CTDP1: variants seen among roughly 807,000 people sequenced by gnomAD.
CTDP1 encodes the protein CTD phosphatase 1.
CTDP1 carries 47 observed loss-of-function variants against 91.8 expected under a neutral mutation model. The ratio of observed to expected loss-of-function variants is 0.51; its 90% CI spans 0.41 to 0.65. The LOEUF is 0.65. Ranked by LOEUF, CTDP1 falls within the 30% of genes least tolerant of loss-of-function variation. The pLI, the probability that CTDP1 is intolerant of heterozygous loss-of-function variation, is 0.00. For synonymous variants in CTDP1, 656 were observed against 598.5 expected (o/e 1.10, Z -1.40); for missense variants, 1,272 against 1,373.7 (o/e 0.93, Z 1.17).
rs146103127 is a variant in CTDP1 at position 79,717,843 on chromosome 18, G to C, written c.2244G>C (p.Glu748Asp). 1.1e-5 allele frequency: 18 copies of C among 1,613,540 alleles called. No homozygotes were observed. Among genetic ancestry groups the C allele is most frequent in the African/African-American group, 4.0e-5 (3 of 74,936 alleles). Residue 748 changes from glutamate (E) to aspartate (D), a missense_variant, in exon 10 of 13, where the codon GAG becomes GAC. Around this residue, in one of 3 missense-constraint regions of CTDP1, gnomAD observed 881 missense variants for 911.6 expected, o/e 0.97. Coordinates refer to ENST00000613122, the MANE Select transcript of CTDP1 (RefSeq NM_004715.5). ...GCCCTGCGGCCTTTCCCGACCGGGA[G>C]GGTGTGCCCCCCACCGCCTTGTTCC... The part of the protein sequence containing the change: ...ENSPAAFPDR[E>D]GVPPTALFHP...
chr18:79,681,210 G>T (rs1393116233), intron 1 of CTDP1, among the ~76,000 whole-genome samples: 9 of 152,222 alleles, frequency 5.9e-5, no homozygotes, highest in Admixed American at 5.2e-4. Flanking sequence ...GAGTCTTCCC[G>T]TCACAGCCCC....
chr18:79,714,549 G>A lies in CTDP1; in HGVS notation c.1089G>A (p.Glu363=), dbSNP rs767493848. The change falls in exon 8 of 13, where the codon GAG becomes GAA. Residue 363 remains glutamate (E), a synonymous_variant. Coordinates refer to ENST00000613122, the MANE Select transcript of CTDP1 (RefSeq NM_004715.5). ...CATCTCCGCCCGTGAGAGACCCTGAGGGGGTAACGCAGGCCCCTGGAGTGG... is the reference window on the plus strand; with the variant it reads ...CATCTCCGCCCGTGAGAGACCCTGAAGGGGTAACGCAGGCCCCTGGAGTGG... ...SEPSPPVRDP[E]GVTQAPGVEP... 2 of 1,613,148 alleles carry A rather than the reference G, an allele frequency of 1.2e-6. No individual in the cohort carries two copies. The highest frequency in any genetic ancestry group is 1.7e-5 in the Admixed American group (1 of 60,036).
intron 12 of CTDP1, among the ~76,000 whole-genome samples, chr18:79,748,508 G>GT (rs1472232712): frequency 2.6e-5 from 4 of 152,202 alleles, no homozygotes; most frequent in Non-Finnish European, 5.9e-5. Flanking sequence ...AGTCAGCTAC[G>GT]TTTTTCCAAA....
chr18:79,719,468 C>T (rs1035720525), intron 10 of CTDP1, among the ~76,000 whole-genome samples: 1 of 152,156 alleles, frequency 6.6e-6, no homozygotes, highest in African/African-American at 2.4e-5. Flanking sequence ...TCCCCAGCCA[C>T]AGAGATGATG....
rs1161713773 is a variant in CTDP1 at position 79,708,417 on chromosome 18, G to A, written c.773-1929G>A. ...AGGGAGTAGTTGATTAAAAGCCAGCGTGAAAACAATAGTGATTATGTGGAG... is the reference window on the plus strand; with the variant it reads ...AGGGAGTAGTTGATTAAAAGCCAGCATGAAAACAATAGTGATTATGTGGAG... On this transcript the variant is annotated intron_variant, in intron 5 of 12. Transcript: ENST00000613122. Among the ~76,000 whole-genome samples, 5 of 152,366 alleles carry A rather than the reference G, an allele frequency of 3.3e-5. No homozygotes were observed. In the East Asian group the frequency reaches 5.8e-4, roughly 18 times the overall value.
chr18:79,687,960 G>A (rs926601656), intron 1 of CTDP1, among the ~76,000 whole-genome samples: 1 of 152,192 alleles, frequency 6.6e-6, no homozygotes, highest in Non-Finnish European at 1.5e-5. Context: ...GACCACAGTG[G>A]CAGTGTTGAA....
At chr18:79,701,390 G>T (rs1599224964) in intron 4 of CTDP1, among the ~76,000 whole-genome samples, 1 of 151,824 alleles carries the variant, frequency 6.6e-6, no homozygotes, top group Admixed American at 6.6e-5. Context: ...GGTGCCTGTA[G>T]TCCCAGCTAC....
Position 79,714,747 on chromosome 18 carries a change from T to C in CTDP1, c.1287T>C (p.Cys429=), listed in dbSNP as rs1175754790. 3.1e-6 allele frequency: 5 copies of C among 1,601,518 alleles called. No homozygotes were observed. Among genetic ancestry groups the C allele is most frequent in the Middle Eastern group, 1.6e-4 (1 of 6,066 alleles). Reference sequence around the variant, plus strand: ...GCGCTCCTGAGCCCCAGGGATCCTGTGCGCAGGGTGGCCGGGTGGCACCGG... The same window carrying C: ...GCGCTCCTGAGCCCCAGGGATCCTGCGCGCAGGGTGGCCGGGTGGCACCGG... ...LAGAPEPQGS[C]AQGGRVAPGQ... Residue 429 remains cysteine, a synonymous_variant, in exon 8 of 13, where the codon TGT becomes TGC. Transcript: ENST00000613122.
intron 6 of CTDP1, among the ~76,000 whole-genome samples, chr18:79,712,757 C>T (rs1342931414): frequency 3.3e-5 from 5 of 152,158 alleles, no homozygotes; most frequent in African/African-American, 1.2e-4. Context: ...TTGGGAACTC[C>T]TGCCTGAAGG....
intron 10 of CTDP1, among the ~76,000 whole-genome samples, chr18:79,727,297 A>G (rs564401574): frequency 1.3e-5 from 2 of 152,338 alleles, no homozygotes; most frequent in East Asian, 1.9e-4. Flanking sequence ...TTGTACGTAC[A>G]TGGGTGTTTC....
intron 11 of CTDP1, among the ~76,000 whole-genome samples, chr18:79,732,532 C>A (rs1284101350): frequency 2.5e-4 from 25 of 98,076 alleles, no homozygotes; most frequent in East Asian, 6.6e-4. Context: ...CATGAGAACT[C>A]ACATCAGGAG....
At chr18:79,725,389 G>A (rs1467534176) in intron 10 of CTDP1, among the ~76,000 whole-genome samples, 1 of 152,138 alleles carries the variant, frequency 6.6e-6, no homozygotes, top group Non-Finnish European at 1.5e-5. Flanking sequence ...GTCTGGTCCT[G>A]GAGATTTTAT....
intron 12 of CTDP1, among the ~76,000 whole-genome samples, chr18:79,740,482 A>G (rs528168870): frequency 1.3e-5 from 2 of 152,346 alleles, no homozygotes; most frequent in South Asian, 2.1e-4. Context: ...TTTTCACATG[A>G]AATTTTTGCT....
chr18:79,683,708 C>T (rs9635877), intron 1 of CTDP1, among the ~76,000 whole-genome samples: 9,489 of 152,310 alleles, frequency 0.062, 424 homozygotes, highest in South Asian at 0.16. Flanking sequence ...CCCTCAAGGG[C>T]TTACTGGTTG....
At chr18:79,691,327 G>A (rs528873751) in intron 1 of CTDP1, among the ~76,000 whole-genome samples, 5 of 152,310 alleles carry the variant, frequency 3.3e-5, no homozygotes, top group South Asian at 2.1e-4. Context: ...GCTTACACTC[G>A]CTCTTAGACC....
intron 5 of CTDP1, among the ~76,000 whole-genome samples, chr18:79,707,812 T>C (rs2085998531): frequency 6.6e-6 from 1 of 152,200 alleles, no homozygotes; most frequent in Admixed American, 6.5e-5. Flanking sequence ...AGGTCCGGAC[T>C]GAAGCCTGAG....
chr18:79,743,717 G>A (rs553383114), intron 12 of CTDP1, among the ~76,000 whole-genome samples: 7 of 152,336 alleles, frequency 4.6e-5, no homozygotes, highest in African/African-American at 1.7e-4. Flanking sequence ...TATCGAATTG[G>A]AATTAGGCCA....
chr18:79,680,094 G>A lies in CTDP1; in HGVS notation c.147G>A (p.Leu49=). The A allele has an allele frequency of 1.4e-6, 2 of 1,408,154 alleles. No individual in the cohort carries two copies. Among genetic ancestry groups the A allele is most frequent in the Non-Finnish European group, 9.3e-7 (1 of 1,080,556 alleles). The allele number at this position is 1,408,154 out of a possible 1,614,324, so 87.2% of individuals were successfully genotyped here. The change falls in exon 1 of 13, where the codon CTG becomes CTA. Residue 49 remains leucine (L), a synonymous_variant. Coordinates refer to ENST00000613122, the MANE Select transcript of CTDP1 (RefSeq NM_004715.5). ...CGGCCGTGCGCATCGGCTCGGTGCT[G>A]GCCGTGTTCGAGGCCGCCGCCTCCG... ...AGAAVRIGSV[L]AVFEAAASAQ...
intron 3 of CTDP1, among the ~76,000 whole-genome samples, chr18:79,697,587 T>G (rs2085772529): frequency 6.6e-6 from 1 of 152,334 alleles, no homozygotes; most frequent in African/African-American, 2.4e-5. Context: ...TACTGTTGAA[T>G]CCAGCTTTTA....
Sources: allele counts gnomAD v4.1 joint callset (sites outside exome capture counted in the v4.1 genomes callset), GRCh38; gene constraint gnomAD v4.1.1; regional missense constraint gnomAD v4.1.1; transcripts MANE v1.5; gene names NCBI Gene and HGNC (gene_info 2026-07-23, HGNC 2026-07-21).